The following NIPA1 variants were observed in gnomAD, a reference collection of about 807,000 sequenced individuals.
NIPA1 encodes the protein NIPA magnesium transporter 1, also known as magnesium transporter NIPA1.
A neutral mutation model predicts 23.9 loss-of-function variants in NIPA1; 13 were observed. That is an observed-to-expected ratio of 0.54 (90% CI 0.35 to 0.87). The LOEUF is 0.87. NIPA1 is among the 40% of genes least tolerant of loss of function. NIPA1 has a pLI of 0.01. For missense variants in NIPA1, 362 were observed against 429.7 expected (o/e 0.84, Z 1.39); for synonymous variants, 234 against 202.9 (o/e 1.15, Z -1.30).
At chr15:22,807,668 C>CCTTTA (rs1895236520) in intron 1 of NIPA1, among the ~76,000 whole-genome samples, 1 of 152,024 alleles carries the variant, frequency 6.6e-6, no homozygotes, top group Non-Finnish European at 1.5e-5. Flanking sequence ...AATTGACAAA[C>CCTTTA]CTTTAGCTAG....
intron 3 of NIPA1, among the ~76,000 whole-genome samples, chr15:22,814,672 T>C (rs1427913507): frequency 6.6e-6 from 1 of 152,210 alleles, no homozygotes; most frequent in African/African-American, 2.4e-5. Context: ...CTTTCTGTAA[T>C]AGTGTAATGT....
At chr15:22,792,060 G>A (rs1894840820) in intron 1 of NIPA1, among the ~76,000 whole-genome samples, 1 of 152,236 alleles carries the variant, frequency 6.6e-6, no homozygotes, top group African/African-American at 2.4e-5. Flanking sequence ...GACATGCTGT[G>A]GGAAGCAGGC....
chr15:22,808,085 G>T (rs533074230), intron 1 of NIPA1, among the ~76,000 whole-genome samples: 2 of 151,988 alleles, frequency 1.3e-5, no homozygotes, highest in African/African-American at 4.8e-5. Flanking sequence ...CACTGCACCC[G>T]GCCCACTTTG....
Position 22,813,600 on chromosome 15 carries a change from T to G in NIPA1, c.317+1347T>G, listed in dbSNP as rs189424776. 1,099 of 455,504 alleles carry G rather than the reference T, an allele frequency of 2.4e-3. 4 individuals carry two copies. The highest frequency in any genetic ancestry group is 4.9e-3 in the Middle Eastern group (15 of 3,068). 28.2% of individuals were successfully genotyped at this position (455,504 alleles called of 1,614,324 possible). On this transcript the variant is annotated intron_variant, in intron 3 of 4. Coordinates refer to ENST00000337435, the MANE Select transcript of NIPA1 (RefSeq NM_144599.5). Reference sequence around the variant, plus strand: ...GAGAAATAAAATCCAAGTTTCTAACTCATGGATACATTGGTTTTCTGCTGT... The same window carrying G: ...GAGAAATAAAATCCAAGTTTCTAACGCATGGATACATTGGTTTTCTGCTGT...
At chr15:22,792,306 A>C (rs1894846570) in intron 1 of NIPA1, among the ~76,000 whole-genome samples, 2 of 151,414 alleles carry the variant, frequency 1.3e-5, no homozygotes, top group Admixed American at 6.6e-5. Context: ...GCCCTGGGAC[A>C]GGCTTCCTGG....
chr15:22,801,358 CAAG>C (rs1348840023), intron 1 of NIPA1, among the ~76,000 whole-genome samples: 1 of 151,946 alleles, frequency 6.6e-6, no homozygotes, highest in Admixed American at 6.6e-5. Context: ...CGTCATGTAT[CAAG>C]GAGTCGGCCA....
At chr15:22,787,170 C>G (rs1162202359) in intron 1 of NIPA1, among the ~76,000 whole-genome samples, 1 of 152,062 alleles carries the variant, frequency 6.6e-6, no homozygotes, top group Non-Finnish European at 1.5e-5. Flanking sequence ...GGTCCAAGAC[C>G]TGCCCCGCGC....
intron 3 of NIPA1, among the ~76,000 whole-genome samples, chr15:22,819,831 C>T (rs1276604431): frequency 6.6e-6 from 1 of 152,082 alleles, no homozygotes; most frequent in Non-Finnish European, 1.5e-5. Flanking sequence ...TTTATATGTG[C>T]TGACATAGTA....
intron 3 of NIPA1, among the ~76,000 whole-genome samples, chr15:22,813,161 C>T (rs937257286): frequency 2.0e-5 from 3 of 151,526 alleles, no homozygotes; most frequent in Non-Finnish European, 2.9e-5. Context: ...GGCTGGGGGG[C>T]GGTTTGCATG....
chr15:22,810,500 A>G (rs1282162370), intron 1 of NIPA1, among the ~76,000 whole-genome samples: 1 of 152,154 alleles, frequency 6.6e-6, no homozygotes, highest in South Asian at 2.1e-4. Flanking sequence ...ACTGATGTAT[A>G]AAGATCTCAT....
At chr15:22,820,554 C>A (rs1895516695) in intron 4 of NIPA1, 81 bp downstream of exon 4, 1 of 1,048,642 alleles carries the variant, frequency 9.5e-7, no homozygotes, top group Non-Finnish European at 1.5e-6. Context: ...AAATTGGATG[C>A]TTCCTGGCAG....
intron 3 of NIPA1, among the ~76,000 whole-genome samples, chr15:22,814,545 G>A (rs950891710): frequency 6.6e-6 from 1 of 151,788 alleles, no homozygotes; most frequent in African/African-American, 2.4e-5. Flanking sequence ...TTCTGTTCTT[G>A]ATAATGGGAT....
At chr15:22,803,310 C>A (rs920375565) in intron 1 of NIPA1, among the ~76,000 whole-genome samples, 1 of 151,586 alleles carries the variant, frequency 6.6e-6, no homozygotes, top group Non-Finnish European at 1.5e-5. Context: ...TGGCTGGGTT[C>A]TACCGTATTA....
In NIPA1 at chr15:22,827,057, C is replaced by G. The variant is rs1000291664; in HGVS notation, c.*2818C>G. ...GAACATGGATAGATCTCTTAGTGGT[C>G]TTTCCAAAAGTACATGTACTTGAAA... On this transcript the variant is annotated 3_prime_UTR_variant, in exon 5 of 5. Transcript: ENST00000337435. 2.0e-5 allele frequency: 3 copies of G among 152,016 alleles called. No individual in the cohort carries two copies. The highest frequency in any genetic ancestry group is 7.3e-5 in the African/African-American group (3 of 41,378). The allele number at this position is 152,016 out of a possible 1,614,324, so 9.4% of individuals were successfully genotyped here.
At position 22,829,090 on chromosome 15, in the gene NIPA1, A is replaced by C. The variant is rs1188362255; in HGVS notation, c.*4851A>C. On this transcript the variant is annotated 3_prime_UTR_variant, in exon 5 of 5. Coordinates refer to ENST00000337435, the MANE Select transcript of NIPA1 (RefSeq NM_144599.5). Reference sequence around the variant, plus strand: ...CTTTAGTTTTCCTTTTTTTGTTTTAAAAGAAAGGGTTTTATATGTTCTATT... The same window carrying C: ...CTTTAGTTTTCCTTTTTTTGTTTTACAAGAAAGGGTTTTATATGTTCTATT... 1 of 152,180 alleles carries C rather than the reference A, an allele frequency of 6.6e-6. No individual in the cohort carries two copies. Among genetic ancestry groups the C allele is most frequent in the East Asian group, 1.9e-4 (1 of 5,206 alleles). The allele number at this position is 152,180 out of a possible 1,614,324, so 9.4% of individuals were successfully genotyped here.
chr15:22,820,466 C>A lies in NIPA1; in HGVS notation c.471C>A (p.Thr157=). 1 of 1,613,108 alleles carries A rather than the reference C, an allele frequency of 6.2e-7. No homozygotes were observed. Among genetic ancestry groups the A allele is most frequent in the South Asian group, 1.1e-5 (1 of 91,042 alleles). ...AGGCTGAGCTGGAGGAAAAGCTGAC[C>A]AATCCAGGTAATTCCTTTCTAGCAG... The part of the protein sequence containing the change: ...TTQAELEEKL[T]NPVFVGYLCI... Residue 157 remains threonine (T), a synonymous_variant, in exon 4 of 5, where the codon ACC becomes ACA. Transcript: ENST00000337435.
chr15:22,790,783 C>T (rs1432376040), intron 1 of NIPA1, among the ~76,000 whole-genome samples: 1 of 152,008 alleles, frequency 6.6e-6, no homozygotes. Flanking sequence ...AAAATCTACT[C>T]GCCATAAAAT....
intron 3 of NIPA1, among the ~76,000 whole-genome samples, chr15:22,819,988 G>A (rs1174004421): frequency 1.3e-5 from 2 of 152,192 alleles, no homozygotes; most frequent in Non-Finnish European, 2.9e-5. Flanking sequence ...GAGCCCAGGA[G>A]TTTGAGACTT....
intron 1 of NIPA1, among the ~76,000 whole-genome samples, chr15:22,807,962 A>G (rs899353004): frequency 1.3e-5 from 2 of 150,800 alleles, no homozygotes; most frequent in Non-Finnish European, 3.0e-5. Flanking sequence ...TTTTTTTTGT[A>G]TTTTTTTTAG....
Sources: gnomAD v4.1 joint callset for allele counts (sites outside exome capture counted in the v4.1 genomes callset) on GRCh38, gnomAD v4.1.1 for gene constraint, MANE v1.5 for transcripts, NCBI Gene and HGNC (gene_info 2026-07-23, HGNC 2026-07-21) for gene names.